KCTD16: variants seen among roughly 807,000 people sequenced by gnomAD.
KCTD16 encodes potassium channel tetramerization domain containing 16, also known as BTB/POZ domain-containing protein KCTD16.
A neutral mutation model predicts 33.2 loss-of-function variants in KCTD16; 13 were observed. The ratio of observed to expected loss-of-function variants is 0.39; its 90% CI spans 0.25 to 0.62. The LOEUF is 0.62. Among genes scored for constraint, KCTD16 ranks in the 20% least tolerant of loss-of-function variants. The pLI is 0.50. For missense variants in KCTD16, 441 were observed against 525.1 expected, an observed-to-expected ratio of 0.84 and a Z score of 1.57; for synonymous variants, 197 against 195.3, an observed-to-expected ratio of 1.01 and a Z score of -0.07.
chr5:144,427,039 C>G (rs1478393006), intron 3 of KCTD16, among the ~76,000 whole-genome samples: 1 of 152,108 alleles, frequency 6.6e-6, no homozygotes, highest in Non-Finnish European at 1.5e-5. Context: ...TCTCTGTTCC[C>G]TCTTCCTGGA....
At chr5:144,220,562 ATGTGTGTG>A (rs70995040) in intron 3 of KCTD16, among the ~76,000 whole-genome samples, 10 of 150,342 alleles carry the variant, frequency 6.7e-5, no homozygotes, top group Admixed American at 4.6e-4. Context: ...ATGTATATTT[ATGTGTGTG>A]TGTGTGTGTG....
chr5:144,381,149 C>T (rs111501216), intron 3 of KCTD16, among the ~76,000 whole-genome samples: 15,543 of 151,798 alleles, frequency 0.1, 1,998 homozygotes, highest in African/African-American at 0.3. Context: ...GCAAAGGACA[C>T]GAACAGACAC....
intron 3 of KCTD16, among the ~76,000 whole-genome samples, chr5:144,423,586 T>A (rs1279235691): frequency 1.3e-5 from 2 of 152,136 alleles, no homozygotes; most frequent in Non-Finnish European, 2.9e-5. Context: ...TACTACTAAG[T>A]ATCTTACAAT....
intron 3 of KCTD16, among the ~76,000 whole-genome samples, chr5:144,301,187 G>A (rs1407924770): frequency 6.7e-6 from 1 of 148,288 alleles, no homozygotes; most frequent in Non-Finnish European, 1.5e-5. Flanking sequence ...GTTGCAGTGA[G>A]CTGAGATCGC....
intron 3 of KCTD16, among the ~76,000 whole-genome samples, chr5:144,359,727 C>A (rs1189225333): frequency 6.6e-6 from 1 of 151,330 alleles, no homozygotes; most frequent in Non-Finnish European, 1.5e-5. Flanking sequence ...CACCTTACAA[C>A]CTCCAATGAC....
chr5:144,406,759 G>T (rs1045878089), intron 3 of KCTD16, among the ~76,000 whole-genome samples: 1 of 152,172 alleles, frequency 6.6e-6, no homozygotes, highest in African/African-American at 2.4e-5. Flanking sequence ...AATGGAAAAG[G>T]CTGAAGATTC....
At chr5:144,414,441 C>T (rs554365105) in intron 3 of KCTD16, among the ~76,000 whole-genome samples, 42 of 152,258 alleles carry the variant, frequency 2.8e-4, no homozygotes, top group African/African-American at 9.9e-4. Context: ...GATGGAACCA[C>T]TAATGGTGTG....
intron 3 of KCTD16, among the ~76,000 whole-genome samples, chr5:144,369,661 T>C (rs904948924): frequency 1.7e-4 from 26 of 152,176 alleles, no homozygotes; most frequent in African/African-American, 5.8e-4. Context: ...ATACACATTG[T>C]TATAAGGAAA....
chr5:144,241,217 A>G (rs1453789113), intron 3 of KCTD16, among the ~76,000 whole-genome samples: 1 of 152,172 alleles, frequency 6.6e-6, no homozygotes, highest in Admixed American at 6.6e-5. Context: ...GAAGGGCACT[A>G]CGTGAGTAAA....
At chr5:144,409,843 C>A (rs982179900) in intron 3 of KCTD16, among the ~76,000 whole-genome samples, 1 of 151,770 alleles carries the variant, frequency 6.6e-6, no homozygotes, top group Admixed American at 6.6e-5. Flanking sequence ...ACAACAACAA[C>A]AAAAGAAATG....
chr5:144,359,627 G>A (rs184033340), intron 3 of KCTD16, among the ~76,000 whole-genome samples: 1 of 151,226 alleles, frequency 6.6e-6, no homozygotes, highest in Non-Finnish European at 1.5e-5. Context: ...GGCAGTATCT[G>A]GAGACATTTT....
chr5:144,394,898 G>C (rs1752531588), intron 3 of KCTD16, among the ~76,000 whole-genome samples: 1 of 152,324 alleles, frequency 6.6e-6, no homozygotes, highest in Middle Eastern at 3.4e-3. Context: ...AGCAGTGTGA[G>C]AATGAATTAG....
intron 3 of KCTD16, among the ~76,000 whole-genome samples, chr5:144,420,610 T>A (rs1321228094): frequency 1.3e-5 from 2 of 152,100 alleles, no homozygotes; most frequent in East Asian, 3.9e-4. Flanking sequence ...AGGCTGAGGA[T>A]TGAATCCATG....
intron 3 of KCTD16, among the ~76,000 whole-genome samples, chr5:144,446,144 A>G (rs1477651648): frequency 6.6e-6 from 1 of 151,868 alleles, no homozygotes; most frequent in Non-Finnish European, 1.5e-5. Flanking sequence ...TGTGTCATAT[A>G]TGTCCATGAG....
At chr5:144,281,981 A>T (rs1755620303) in intron 3 of KCTD16, among the ~76,000 whole-genome samples, 1 of 152,200 alleles carries the variant, frequency 6.6e-6, no homozygotes, top group South Asian at 2.1e-4. Flanking sequence ...TGAAATACAT[A>T]TTTGGTCTTT....
At chr5:144,228,869 G>A (rs1025960812) in intron 3 of KCTD16, among the ~76,000 whole-genome samples, 11 of 152,150 alleles carry the variant, frequency 7.2e-5, no homozygotes, top group African/African-American at 1.7e-4. Flanking sequence ...TAGTACCTAC[G>A]TATAGTAATA....
intron 3 of KCTD16, among the ~76,000 whole-genome samples, chr5:144,242,484 A>G (rs1754431259): frequency 6.6e-6 from 1 of 152,196 alleles, no homozygotes. Flanking sequence ...TGCATTTTAT[A>G]TCTCACCAGA....
In KCTD16 at chr5:144,224,209, A is replaced by AT. The variant is rs201399800; in HGVS notation, c.832+16672dup. Among the ~76,000 whole-genome samples the AT allele has an allele frequency of 5.2e-4, 78 of 150,956 alleles. No individual in the cohort carries two copies. In the South Asian group the frequency reaches 9.4e-3, roughly 18 times the overall value. ...ATGTCACCTTAATTATCCACTTTAC[A>AT]TTTTTTTTTATAACAACAAAAACAA... On this transcript the variant is annotated intron_variant, in intron 3 of 3. Transcript: ENST00000512467.
chr5:144,370,887 T>G (rs1751951854), intron 3 of KCTD16, among the ~76,000 whole-genome samples: 1 of 152,030 alleles, frequency 6.6e-6, no homozygotes, highest in African/African-American at 2.4e-5. Flanking sequence ...TCAATCACAG[T>G]CCTAATATTA....
Sources: gnomAD v4.1 joint callset for allele counts (sites outside exome capture counted in the v4.1 genomes callset) on GRCh38, gnomAD v4.1.1 for gene constraint, MANE v1.5 for transcripts, NCBI Gene and HGNC (gene_info 2026-07-23, HGNC 2026-07-21) for gene names.